The following GALC variants were observed in gnomAD, a reference collection of about 807,000 sequenced individuals.
GALC encodes the protein galactosylceramidase, also known as galactocerebrosidase.
In GALC, 77 loss-of-function variants were observed where a neutral mutation model predicts 91.8. The ratio of observed to expected loss-of-function variants is 0.84; its 90% confidence interval spans 0.70 to 1.01. The LOEUF (loss-of-function observed/expected upper bound fraction) is 1.01, where lower values mean the gene tolerates loss of function less well. Ranked by LOEUF, GALC falls within the 50% of genes least tolerant of loss-of-function variation. GALC has a pLI of 0.00. For missense variants in GALC, 882 were observed against 855.9 expected, an observed-to-expected ratio of 1.03 and a Z score of -0.38; for synonymous variants, 357 against 306.7, an observed-to-expected ratio of 1.16 and a Z score of -1.71.
At chr14:87,967,046 TAAC>T (rs996022474) in intron 8 of GALC, among the ~76,000 whole-genome samples, 1 of 152,190 alleles carries the variant, frequency 6.6e-6, no homozygotes, top group Non-Finnish European at 1.5e-5. Context: ...GGAGAAGGTA[TAAC>T]AACGAGTGTC....
At position 87,933,737 on chromosome 14, in the gene GALC, T is replaced by G; in HGVS notation, c.*995A>C. The G allele has an allele frequency of 2.2e-6, 1 of 463,396 alleles. No individual in the cohort carries two copies. Among genetic ancestry groups the G allele is most frequent in the Non-Finnish European group, 3.8e-6 (1 of 260,874 alleles). The allele number at this position is 463,396 out of a possible 1,614,324, so 28.7% of individuals were successfully genotyped here. ...GCTTAGTATAAATCATACAACATGA[T>G]GAACACGCTCACGTATATTTAAATA... On this transcript the variant is annotated 3_prime_UTR_variant, in exon 17 of 17. Coordinates refer to ENST00000261304, the MANE Select transcript of GALC (RefSeq NM_000153.4).
In GALC at chr14:87,933,543, TATC is replaced by T. The variant is rs141199615; in HGVS notation, c.*1186_*1188del. 72,594 of 155,638 alleles carry T rather than the reference TATC, an allele frequency of 0.47. 18,478 individuals carry two copies. The highest frequency in any genetic ancestry group is 0.75 in the East Asian group (4,066 of 5,432). The allele number at this position is 155,638 out of a possible 1,614,324, so 9.6% of individuals were successfully genotyped here. ...CTGTAATCTTATTTATTCTAGCACTTATCTTCTTGTCTTCAAAAGCAATGCAAA... is the reference window on the plus strand; with the variant it reads ...CTGTAATCTTATTTATTCTAGCACTTTTCTTGTCTTCAAAAGCAATGCAAA... On this transcript the variant is annotated 3_prime_UTR_variant, in exon 17 of 17. Transcript: ENST00000261304.
At chr14:87,974,455 C>A (rs1566998802) in intron 7 of GALC, among the ~76,000 whole-genome samples, 1 of 151,926 alleles carries the variant, frequency 6.6e-6, no homozygotes, top group Non-Finnish European at 1.5e-5. Flanking sequence ...ATTTACGTAC[C>A]AAATAACAAA....
In GALC at chr14:87,952,851, C is replaced by T. The variant is rs973654804; in HGVS notation, c.1162-2103G>A. Reference sequence around the variant, plus strand: ...GAGTGAGGTAACGAGCTCTAATATGCAAATATGTGGATTTGAAAGCATAGT... The same window carrying T: ...GAGTGAGGTAACGAGCTCTAATATGTAAATATGTGGATTTGAAAGCATAGT... On this transcript the variant is annotated intron_variant, in intron 10 of 16. Transcript: ENST00000261304. 6 of 1,169,826 alleles carry T rather than the reference C, an allele frequency of 5.1e-6. No individual in the cohort carries two copies. The African/African-American group carries it at 7.6e-5, about 15-fold the overall frequency. 72.5% of individuals were successfully genotyped at this position (1,169,826 alleles called of 1,614,324 possible).
In GALC at chr14:87,993,050, G is replaced by T; in HGVS notation, c.115C>A (p.Pro39Thr). ...TCGTCGAGCACGTACGCGCCGCCGG[G>T]CGCCAGCAGCGCACACAGCAGCAAG... is the stretch of plus-strand genomic sequence containing the variant. ...VPLLLCALLA[P>T]GGAYVLDDSD... is the part of the protein sequence containing the mutation. The change falls in exon 1 of 17, where the codon CCC (proline) becomes ACC (threonine). Residue 39 changes from proline to threonine, a missense_variant. Coordinates refer to ENST00000261304, the MANE Select transcript of GALC (RefSeq NM_000153.4). The T allele has an allele frequency of 6.4e-7, 1 of 1,558,664 alleles. No individual in the cohort carries two copies. The highest frequency in any genetic ancestry group is 2.4e-5 in the East Asian group (1 of 41,466).
intron 1 of GALC, among the ~76,000 whole-genome samples, chr14:87,990,844 C>T (rs1408931787): frequency 6.6e-6 from 1 of 152,186 alleles, no homozygotes; most frequent in African/African-American, 2.4e-5. Flanking sequence ...GATTACTAAC[C>T]ACACTGCCTG....
At chr14:87,977,592 T>C (rs992270484) in intron 6 of GALC, among the ~76,000 whole-genome samples, 8 of 152,216 alleles carry the variant, frequency 5.3e-5, no homozygotes, top group African/African-American at 1.9e-4. Flanking sequence ...TCTTGATGAA[T>C]GGATACAAAT....
chr14:87,952,978 C>G lies in GALC; in HGVS notation c.1162-2230G>C. The G allele has an allele frequency of 4.1e-6, 4 of 982,394 alleles. No homozygotes were observed. The South Asian group carries it at 5.2e-5, about 13-fold the overall frequency. 60.9% of individuals were successfully genotyped at this position (982,394 alleles called of 1,614,324 possible). A position where few individuals can be genotyped will look rare whatever the true frequency, so the allele number is the denominator to read the frequency against. ...GATATCTGTGGTCAGAACTTTCACT[C>G]AAATTTGTTTCAGTTAGACCACAAA... On this transcript the variant is annotated intron_variant, in intron 10 of 16. Transcript: ENST00000261304.
intron 12 of GALC, among the ~76,000 whole-genome samples, chr14:87,948,158 C>A (rs1446181602): frequency 1.3e-5 from 2 of 152,128 alleles, no homozygotes; most frequent in South Asian, 2.1e-4. Context: ...TTAGCCTATT[C>A]TTTTCCACTA....
chr14:87,976,246 G>A lies in GALC; in HGVS notation c.752+112C>T. Reference sequence around the variant, plus strand: ...GCATGCTTCAGGTAAGTGAATACAGGAGAGCTACCTTCTGAGAATGTAATC... The same window carrying A: ...GCATGCTTCAGGTAAGTGAATACAGAAGAGCTACCTTCTGAGAATGTAATC... On this transcript the variant is annotated intron_variant, in intron 7 of 16. Transcript: ENST00000261304. 4.5e-6 allele frequency: 5 copies of A among 1,122,648 alleles called. No individual in the cohort carries two copies. In the Admixed American group the frequency reaches 8.5e-5, roughly 19 times the overall value. 69.5% of individuals were successfully genotyped at this position (1,122,648 alleles called of 1,614,324 possible). A position where few individuals can be genotyped will look rare whatever the true frequency, so the allele number is the denominator to read the frequency against.
At chr14:87,980,870 G>A (rs560217374) in intron 6 of GALC, among the ~76,000 whole-genome samples, 69 of 152,242 alleles carry the variant, frequency 4.5e-4, no homozygotes, top group African/African-American at 1.4e-3. Context: ...ATGATTAACC[G>A]AATGAAGAGA....
At chr14:87,939,172 C>T (rs1884720268) in intron 16 of GALC, among the ~76,000 whole-genome samples, 1 of 151,826 alleles carries the variant, frequency 6.6e-6, no homozygotes, top group Non-Finnish European at 1.5e-5. Flanking sequence ...ATAATCTATG[C>T]TACATCCAAA....
intron 10 of GALC, among the ~76,000 whole-genome samples, chr14:87,961,053 C>A (rs564058964): frequency 3.9e-5 from 6 of 152,168 alleles, no homozygotes; most frequent in African/African-American, 1.4e-4. Flanking sequence ...GAGAAAATAT[C>A]TGCAAATTAT....
chr14:87,988,403 A>G, intron 2 of GALC, 52 bp downstream of exon 2: 1 of 1,364,892 alleles, frequency 7.3e-7, no homozygotes, highest in East Asian at 2.3e-5. Flanking sequence ...GAAATTCACC[A>G]TCCAATTTCT....
At chr14:87,940,602 A>C (rs1273968049) in intron 15 of GALC, among the ~76,000 whole-genome samples, 1 of 151,962 alleles carries the variant, frequency 6.6e-6, no homozygotes, top group Non-Finnish European at 1.5e-5. Context: ...TTTCAGTATC[A>C]CTGAGGTAAG....
At chr14:87,992,118 T>C (rs1271664012) in intron 1 of GALC, among the ~76,000 whole-genome samples, 1 of 152,196 alleles carries the variant, frequency 6.6e-6, no homozygotes, top group Non-Finnish European at 1.5e-5. Flanking sequence ...AGGTTATATC[T>C]TGTGGTCACA....
At chr14:87,993,316 G>A, upstream of GALC, 3 of 1,536,542 alleles carry the variant, frequency 2.0e-6, no homozygotes, top group South Asian at 2.4e-5. Flanking sequence ...GTTGAGAAAA[G>A]AAGCAGCGAG....
At chr14:87,987,868 G>T in intron 3 of GALC, 1 of 433,318 alleles carries the variant, frequency 2.3e-6, no homozygotes, top group African/African-American at 2.0e-5. Context: ...GCTCTGTCCT[G>T]TATATATAGG....
At chr14:87,954,181 A>G (rs1384888307) in intron 10 of GALC, 1 of 1,588,034 alleles carries the variant, frequency 6.3e-7, no homozygotes, top group African/African-American at 1.3e-5. Flanking sequence ...TCCTCAAAAC[A>G]TTCCTACCTC....
Sources: allele counts gnomAD v4.1 joint callset (sites outside exome capture counted in the v4.1 genomes callset), GRCh38; gene constraint gnomAD v4.1.1; transcripts MANE v1.5; gene names NCBI Gene and HGNC (gene_info 2026-07-23, HGNC 2026-07-21).